Variants in NEK11 observed in about 807,000 individuals in gnomAD.
NEK11 encodes serine/threonine-protein kinase Nek11.
In NEK11, 72 loss-of-function variants were observed where a neutral mutation model predicts 80.7. That is an observed-to-expected ratio of 0.89 (90% CI 0.74 to 1.08). NEK11 has a LOEUF of 1.08. Ranked by LOEUF, NEK11 falls within the 50% of genes least tolerant of loss-of-function variation. NEK11 has a pLI of 0.00. For missense variants in NEK11, 764 were observed against 763.6 expected (o/e 1.00, Z -0.01); for synonymous variants, 251 against 260.7 (o/e 0.96, Z 0.36).
chr3:131,169,113 T>C (rs2092495325), intron 13 of NEK11, among the ~76,000 whole-genome samples, 176 bp downstream of exon 13: 1 of 151,896 alleles, frequency 6.6e-6, no homozygotes, highest in African/African-American at 2.4e-5. Context: ...AGGAAAGAAA[T>C]TAGATTAATC....
rs192849786 is a variant in NEK11 at position 131,117,212 on chromosome 3, G to A, written c.455+7291G>A. 6.1e-3 allele frequency among the ~76,000 whole-genome samples: 934 copies of A among 152,056 alleles called. 5 individuals are homozygous for A. The highest frequency in any genetic ancestry group is 9.1e-3 in the Non-Finnish European group (617 of 67,942). ...TACTTATGGCTAGCCAGTTTTCCCA[G>A]CACCATTTATTAAAGAGGGAATCCT... On this transcript the variant is annotated intron_variant, in intron 5 of 17. Transcript: ENST00000383366.
chr3:131,028,728 A>AT (rs1265863111), intron 2 of NEK11, among the ~76,000 whole-genome samples: 1 of 151,984 alleles, frequency 6.6e-6, no homozygotes, highest in African/African-American at 2.4e-5. Context: ...TGCCCGGCTA[A>AT]TTTTTTTGTA....
At chr3:131,249,862 A>C (rs2095668196) in intron 16 of NEK11, among the ~76,000 whole-genome samples, 1 of 152,142 alleles carries the variant, frequency 6.6e-6, no homozygotes, top group Admixed American at 6.6e-5. Flanking sequence ...GTGAACATGT[A>C]GCAATGCAGT....
intron 14 of NEK11, among the ~76,000 whole-genome samples, chr3:131,226,391 A>G (rs1405726106): frequency 3.3e-5 from 5 of 152,196 alleles, no homozygotes; most frequent in Non-Finnish European, 7.3e-5. Context: ...GTTTATCACA[A>G]CACAATTCAC....
chr3:131,246,980 G>T (rs2095613278), intron 16 of NEK11, among the ~76,000 whole-genome samples: 2 of 151,346 alleles, frequency 1.3e-5, no homozygotes. Flanking sequence ...TTTTCTTCTT[G>T]CTGACTTGTT....
intron 3 of NEK11, among the ~76,000 whole-genome samples, chr3:131,044,030 G>T (rs2109771739): frequency 6.6e-6 from 1 of 152,158 alleles, no homozygotes; most frequent in Admixed American, 6.5e-5. Context: ...CAAAAATGAA[G>T]GAGAAATGAA....
At chr3:131,180,810 G>T (rs1165641384) in intron 14 of NEK11, among the ~76,000 whole-genome samples, 3 of 152,132 alleles carry the variant, frequency 2.0e-5, no homozygotes, top group African/African-American at 7.2e-5. Flanking sequence ...GTTCAAATGT[G>T]CAATATATGT....
chr3:131,029,157 C>A (rs575116719), intron 2 of NEK11, among the ~76,000 whole-genome samples: 1 of 152,304 alleles, frequency 6.6e-6, no homozygotes, highest in South Asian at 2.1e-4. Context: ...GGAAACAGCA[C>A]CTGCTAATTC....
intron 5 of NEK11, among the ~76,000 whole-genome samples, chr3:131,131,223 G>A (rs1044724695): frequency 6.6e-5 from 10 of 152,188 alleles, no homozygotes; most frequent in Non-Finnish European, 1.2e-4. Flanking sequence ...ATGTTAGGAT[G>A]ATGCTGACAT....
intron 4 of NEK11, among the ~76,000 whole-genome samples, chr3:131,087,227 T>C (rs973931989): frequency 5.4e-5 from 8 of 146,972 alleles, no homozygotes; most frequent in Non-Finnish European, 7.4e-5. Context: ...GGAAGAAATA[T>C]GCAAATTCTT....
chr3:131,217,519 A>G (rs1561028790), intron 14 of NEK11, among the ~76,000 whole-genome samples: 3 of 152,198 alleles, frequency 2.0e-5, no homozygotes, highest in Non-Finnish European at 4.4e-5. Context: ...ATGCGTTCAA[A>G]GAAATGTGTC....
chr3:131,097,142 C>T (rs2077565854), intron 4 of NEK11, among the ~76,000 whole-genome samples: 1 of 151,774 alleles, frequency 6.6e-6, no homozygotes, highest in Admixed American at 6.6e-5. Flanking sequence ...CATTGTTGGA[C>T]ATTTGGGTTG....
At chr3:131,080,627 C>A in intron 4 of NEK11, 39 bp downstream of exon 4, 1 of 1,556,958 alleles carries the variant, frequency 6.4e-7, no homozygotes, top group Non-Finnish European at 8.7e-7. Context: ...TTTATAAAAA[C>A]TTGCTGAATG....
intron 5 of NEK11, among the ~76,000 whole-genome samples, chr3:131,112,601 C>A (rs956732479): frequency 5.3e-5 from 8 of 151,936 alleles, no homozygotes; most frequent in African/African-American, 1.9e-4. Flanking sequence ...ATAAAAGGGC[C>A]AAGAAAAGTA....
chr3:131,247,706 A>G (rs542002612), intron 16 of NEK11, among the ~76,000 whole-genome samples: 2 of 151,834 alleles, frequency 1.3e-5, no homozygotes, highest in African/African-American at 2.4e-5. Flanking sequence ...TCATTTTCAC[A>G]ATGTTGATTC....
intron 3 of NEK11, among the ~76,000 whole-genome samples, chr3:131,048,374 C>CT (rs2067770681): frequency 6.6e-6 from 1 of 152,242 alleles, no homozygotes. Flanking sequence ...TCCCTGTGGT[C>CT]TTTTCCCAGT....
At chr3:131,094,408 A>G (rs1321429127) in intron 4 of NEK11, among the ~76,000 whole-genome samples, 1 of 152,192 alleles carries the variant, frequency 6.6e-6, no homozygotes, top group Non-Finnish European at 1.5e-5. Context: ...CCTTCCGGTA[A>G]CTATTTTATA....
intron 5 of NEK11, among the ~76,000 whole-genome samples, chr3:131,116,756 T>C (rs558371503): frequency 2.6e-4 from 40 of 152,352 alleles, no homozygotes; most frequent in Non-Finnish European, 4.4e-4. Flanking sequence ...ATGTGTCTTT[T>C]GGCTGCATAA....
intron 17 of NEK11, among the ~76,000 whole-genome samples, chr3:131,296,271 T>C (rs1344665106): frequency 6.6e-6 from 1 of 152,290 alleles, no homozygotes; most frequent in East Asian, 1.9e-4. Flanking sequence ...TAAACATACA[T>C]AAGAAAATAT....
Sources: gnomAD v4.1 joint callset for allele counts (sites outside exome capture counted in the v4.1 genomes callset) on GRCh38, gnomAD v4.1.1 for gene constraint, MANE v1.5 for transcripts, NCBI Gene and HGNC (gene_info 2026-07-23, HGNC 2026-07-21) for gene names.